Variants in ABCA12 observed in about 807,000 individuals in gnomAD.
The protein encoded by ABCA12 is ATP binding cassette subfamily A member 12, also known as glucosylceramide transporter ABCA12.
Under a neutral mutation model 293.5 loss-of-function variants are expected in ABCA12, and 156 were observed. The observed-to-expected ratio is 0.53, with a 90% CI of 0.47 to 0.61. The LOEUF is 0.61. Among genes scored for constraint, ABCA12 ranks in the 20% least tolerant of loss-of-function variants. The pLI is 0.00. For missense variants in ABCA12, 2,797 were observed against 3,090.2 expected, an observed-to-expected ratio of 0.91 and a Z score of 2.25; for synonymous variants, 1,063 against 1,108.0, an observed-to-expected ratio of 0.96 and a Z score of 0.81.
chr2:215,047,114 A>G (rs1039356587), intron 6 of ABCA12, among the ~76,000 whole-genome samples: 10 of 152,174 alleles, frequency 6.6e-5, no homozygotes, highest in African/African-American at 2.4e-4. Flanking sequence ...ATAAATAGCT[A>G]ATGCATTCTT....
intron 2 of ABCA12, among the ~76,000 whole-genome samples, chr2:215,100,075 C>T (rs938355252): frequency 6.6e-6 from 1 of 151,484 alleles, no homozygotes; most frequent in Non-Finnish European, 1.5e-5. Flanking sequence ...AGTACAGTGG[C>T]ACAATCATGG....
At chr2:215,125,526 G>A (rs1702903677) in intron 1 of ABCA12, among the ~76,000 whole-genome samples, 1 of 151,874 alleles carries the variant, frequency 6.6e-6, no homozygotes, top group Non-Finnish European at 1.5e-5. Context: ...CCTTTGTTAG[G>A]TATATTCCTA....
chr2:215,018,641 G>A (rs952977520), intron 13 of ABCA12, among the ~76,000 whole-genome samples: 10 of 152,044 alleles, frequency 6.6e-5, no homozygotes, highest in African/African-American at 1.9e-4. Flanking sequence ...TAAATAGAAC[G>A]TGTTTAACTT....
chr2:214,950,628 C>G (rs1428303831), intron 45 of ABCA12, among the ~76,000 whole-genome samples: 3 of 151,536 alleles, frequency 2.0e-5, no homozygotes, highest in Admixed American at 6.6e-5. Flanking sequence ...CCTCAGCCTC[C>G]CGAGTAACTG....
At chr2:214,992,598 A>C (rs2105979127) in intron 23 of ABCA12, among the ~76,000 whole-genome samples, 1 of 135,716 alleles carries the variant, frequency 7.4e-6, no homozygotes, top group Non-Finnish European at 1.5e-5. Context: ...ACAGTGACTC[A>C]CACCTGTAAT....
chr2:215,116,254 C>T (rs1702683603), intron 1 of ABCA12, among the ~76,000 whole-genome samples: 1 of 152,146 alleles, frequency 6.6e-6, no homozygotes, highest in South Asian at 2.1e-4. Context: ...CCTGAAAACA[C>T]CTATTTTTCC....
At chr2:215,111,481 C>A in intron 2 of ABCA12, 116 bp downstream of exon 2, 1 of 714,036 alleles carries the variant, frequency 1.4e-6, no homozygotes, top group Non-Finnish European at 2.5e-6. Context: ...ATTAATCCTT[C>A]CAAGTGAAAA....
intron 2 of ABCA12, among the ~76,000 whole-genome samples, chr2:215,089,046 T>C (rs1006549843): frequency 6.6e-6 from 1 of 152,118 alleles, no homozygotes; most frequent in Non-Finnish European, 1.5e-5. Flanking sequence ...AGGGAGAGTT[T>C]AGGAAATTTT....
At chr2:215,061,568 C>G (rs1420528250) in intron 3 of ABCA12, among the ~76,000 whole-genome samples, 2 of 152,042 alleles carry the variant, frequency 1.3e-5, no homozygotes, top group African/African-American at 4.8e-5. Context: ...ATGCCAGTTT[C>G]ATTGCACAGC....
chr2:214,950,792 A>G (rs929096388), intron 45 of ABCA12, 87 bp downstream of exon 45: 1 of 1,431,776 alleles, frequency 7.0e-7, no homozygotes, highest in Non-Finnish European at 9.8e-7. Context: ...GGTGTGAGCC[A>G]CTGTACCTGG....
rs767403877 is a variant in ABCA12 at position 214,997,818 on chromosome 2, C to A, written c.3180-9G>T. On this transcript the variant is annotated splice_polypyrimidine_tract_variant and intron_variant, in intron 22 of 52. Coordinates refer to ENST00000272895, the MANE Select transcript of ABCA12 (RefSeq NM_173076.3). ...AGACACTGGTTAGGAAGCTGTAAAA[C>A]AAACAAAAAAAGAAAAATTCAGCGA... 1 of 1,586,964 alleles carries A rather than the reference C, an allele frequency of 6.3e-7. No homozygotes were observed. Among genetic ancestry groups the A allele is most frequent in the South Asian group, 1.1e-5 (1 of 90,404 alleles).
At chr2:214,952,403 T>C (rs1698808597) in intron 44 of ABCA12, among the ~76,000 whole-genome samples, 1 of 152,092 alleles carries the variant, frequency 6.6e-6, no homozygotes, top group Non-Finnish European at 1.5e-5. Flanking sequence ...GTATTTTAAG[T>C]AGAGATGGGG....
At chr2:215,019,870 A>C in intron 11 of ABCA12, 74 bp from the exon 12 acceptor site, 1 of 1,545,414 alleles carries the variant, frequency 6.5e-7, no homozygotes, top group Non-Finnish European at 8.8e-7. Context: ...GATAATAAGC[A>C]ACCACAATTG....
intron 1 of ABCA12, among the ~76,000 whole-genome samples, chr2:215,133,299 G>T (rs558508599): frequency 6.6e-6 from 1 of 151,194 alleles, no homozygotes; most frequent in East Asian, 1.9e-4. Context: ...ATATCTGGAT[G>T]TCTACCATTC....
At chr2:214,956,887 T>C (rs1471889152) in intron 41 of ABCA12, 109 bp from the exon 42 acceptor site, 2 of 725,372 alleles carry the variant, frequency 2.8e-6, no homozygotes, top group East Asian at 2.6e-5. Context: ...CTAGAAAAAT[T>C]TGAAGAAATG....
At chr2:214,988,056 C>G (rs1699826080) in intron 26 of ABCA12, among the ~76,000 whole-genome samples, 2 of 152,078 alleles carry the variant, frequency 1.3e-5, no homozygotes, top group African/African-American at 4.8e-5. Context: ...CACTATTTAT[C>G]TATGAAATAC....
At chr2:215,052,894 A>G (rs1276935685) in intron 4 of ABCA12, among the ~76,000 whole-genome samples, 1 of 152,098 alleles carries the variant, frequency 6.6e-6, no homozygotes, top group Admixed American at 6.6e-5. Context: ...AAACCGAATC[A>G]TTTCTGTGCA....
intron 2 of ABCA12, among the ~76,000 whole-genome samples, chr2:215,084,957 G>A (rs1216449881): frequency 6.6e-6 from 1 of 151,834 alleles, no homozygotes; most frequent in East Asian, 1.9e-4. Context: ...AGCTGGGCAT[G>A]GTGGCACACA....
In ABCA12 at chr2:215,064,692, C is replaced by T. The variant is rs577363463; in HGVS notation, c.164-473G>A. 3.3e-3 allele frequency among the ~76,000 whole-genome samples: 323 copies of T among 98,196 alleles called. 2 individuals carry two copies. Among genetic ancestry groups the T allele is most frequent in the Admixed American group, 5.4e-3 (56 of 10,328 alleles). 64.4% of individuals were successfully genotyped at this position (98,196 alleles called of 152,430 possible). On this transcript the variant is annotated intron_variant, in intron 2 of 52. Transcript: ENST00000272895. ...AGAAGAGTCCTAATCTTTTAATACA[C>T]GCACACACACACACACACACACACA...
Sources: gnomAD v4.1 joint callset for allele counts (sites outside exome capture counted in the v4.1 genomes callset) on GRCh38, gnomAD v4.1.1 for gene constraint, MANE v1.5 for transcripts, NCBI Gene and HGNC (gene_info 2026-07-23, HGNC 2026-07-21) for gene names.